The following PALLD variants were observed in gnomAD, a reference collection of about 807,000 sequenced individuals.
The protein encoded by PALLD is palladin.
In PALLD, 61 loss-of-function variants were observed where a neutral mutation model predicts 123.5. The observed-to-expected ratio is 0.49, with a 90% CI of 0.40 to 0.61. The LOEUF (loss-of-function observed/expected upper bound fraction) is 0.61, where lower values mean the gene tolerates loss of function less well. PALLD is among the 20% of genes least tolerant of loss of function. The pLI, the probability that PALLD is intolerant of heterozygous loss-of-function variation, is 0.00. For synonymous variants in PALLD, 465 were observed against 496.4 expected, an observed-to-expected ratio of 0.94 and a Z score of 0.84; for missense variants, 1,273 against 1,377.0, an observed-to-expected ratio of 0.92 and a Z score of 1.20.
intron 2 of PALLD, among the ~76,000 whole-genome samples, chr4:168,525,787 T>A (rs537975706): frequency 6.6e-6 from 1 of 152,222 alleles, no homozygotes; most frequent in Non-Finnish European, 1.5e-5. Context: ...GCTATTGTGT[T>A]TGGATTGTAT....
intron 1 of PALLD, among the ~76,000 whole-genome samples, chr4:168,504,493 C>T (rs1268712723): frequency 6.6e-6 from 1 of 151,442 alleles, no homozygotes; most frequent in Non-Finnish European, 1.5e-5. Flanking sequence ...ACTCGGGAGA[C>T]TGAGGAAGGA....
intron 10 of PALLD, among the ~76,000 whole-genome samples, chr4:168,764,447 T>A (rs1733378159): frequency 6.6e-6 from 1 of 152,172 alleles, no homozygotes; most frequent in African/African-American, 2.4e-5. Flanking sequence ...TTCTATGTTG[T>A]CCAGGCTGGA....
At chr4:168,751,231 C>G (rs1227325174) in intron 10 of PALLD, among the ~76,000 whole-genome samples, 2 of 152,062 alleles carry the variant, frequency 1.3e-5, no homozygotes, top group Non-Finnish European at 2.9e-5. Flanking sequence ...AGGCTGGTCT[C>G]AAACGCCCAA....
intron 2 of PALLD, among the ~76,000 whole-genome samples, chr4:168,625,055 A>T (rs1219603765): frequency 6.6e-6 from 1 of 152,140 alleles, no homozygotes; most frequent in African/African-American, 2.4e-5. Flanking sequence ...TTTACTCTGA[A>T]GTTTATATGG....
At chr4:168,807,213 TGA>T (rs1440831417) in intron 10 of PALLD, among the ~76,000 whole-genome samples, 1 of 151,842 alleles carries the variant, frequency 6.6e-6, no homozygotes, top group Non-Finnish European at 1.5e-5. Flanking sequence ...AGGAGATTCA[TGA>T]GACTAAAGGC....
intron 2 of PALLD, among the ~76,000 whole-genome samples, chr4:168,534,124 A>G (rs1367875643): frequency 3.9e-5 from 6 of 152,236 alleles, no homozygotes; most frequent in Non-Finnish European, 8.8e-5. Flanking sequence ...CACTTTATCT[A>G]GATTTCTGGA....
At chr4:168,855,520 C>G (rs1377424623) in intron 10 of PALLD, among the ~76,000 whole-genome samples, 1 of 152,206 alleles carries the variant, frequency 6.6e-6, no homozygotes, top group Non-Finnish European at 1.5e-5. Flanking sequence ...CTCTTATACA[C>G]TCTAGTACCC....
At chr4:168,669,595 T>C (rs1444972848) in intron 3 of PALLD, among the ~76,000 whole-genome samples, 1 of 151,860 alleles carries the variant, frequency 6.6e-6, no homozygotes, top group Non-Finnish European at 1.5e-5. Context: ...CAAGACCCCA[T>C]CTCTTAAAAA....
At chr4:168,741,074 G>C (rs1788279550) in intron 10 of PALLD, among the ~76,000 whole-genome samples, 2 of 152,140 alleles carry the variant, frequency 1.3e-5, no homozygotes, top group African/African-American at 4.8e-5. Flanking sequence ...TTCATCTCAA[G>C]TTTTAAATGT....
At chr4:168,567,824 A>C (rs1013149667) in intron 2 of PALLD, among the ~76,000 whole-genome samples, 4 of 151,882 alleles carry the variant, frequency 2.6e-5, no homozygotes, top group African/African-American at 9.7e-5. Context: ...GGGGGGATGA[A>C]AAATTACCTA....
In PALLD at chr4:168,506,559, C is replaced by T. The variant is rs116002761; in HGVS notation, c.-82-4864C>T. Among the ~76,000 whole-genome samples the T allele has an allele frequency of 4.4e-3, 665 of 152,198 alleles. 5 individuals are homozygous for T. The highest frequency in any genetic ancestry group is 0.015 in the African/African-American group (637 of 41,524). ...TGAGAGCTGACCTATAAATCATCCCCGCTTTTTTACATTTATTTTCAGCTT... is the reference window on the plus strand; with the variant it reads ...TGAGAGCTGACCTATAAATCATCCCTGCTTTTTTACATTTATTTTCAGCTT... On this transcript the variant is annotated intron_variant, in intron 1 of 21. Coordinates refer to ENST00000505667, the MANE Select transcript of PALLD (RefSeq NM_001166108.2).
chr4:168,670,472 G>T (rs1452891880), intron 3 of PALLD, among the ~76,000 whole-genome samples: 4 of 150,970 alleles, frequency 2.6e-5, no homozygotes, highest in African/African-American at 9.8e-5. Flanking sequence ...GGTGGCTCAC[G>T]CCTGTAATCC....
intron 10 of PALLD, among the ~76,000 whole-genome samples, chr4:168,800,399 C>G (rs1352941552): frequency 6.6e-6 from 1 of 151,776 alleles, no homozygotes; most frequent in East Asian, 1.9e-4. Context: ...ATAAAGAACT[C>G]GTACAAATCA....
Position 168,547,053 on chromosome 4 carries a change from T to C in PALLD, c.908+34641T>C, listed in dbSNP as rs557509045. The stretch of plus-strand genomic sequence containing the variant: ...TTTTTGTGGCCAGCATTCCAACCTG[T>C]TCATACATTTTAGAGTTCTGATTCT... On this transcript the variant is annotated intron_variant, in intron 2 of 21. Transcript: ENST00000505667. Among the ~76,000 whole-genome samples the C allele has an allele frequency of 3.3e-3, 504 of 152,188 alleles. 4 individuals carry two copies. The highest frequency in any genetic ancestry group is 0.012 in the African/African-American group (488 of 41,516).
chr4:168,832,562 G>T (rs952071656), intron 10 of PALLD, among the ~76,000 whole-genome samples: 1 of 152,190 alleles, frequency 6.6e-6, no homozygotes. Context: ...CAGACCTGGG[G>T]TGGGAGAGCA....
At chr4:168,646,898 C>T (rs1429522268) in intron 2 of PALLD, among the ~76,000 whole-genome samples, 3 of 152,088 alleles carry the variant, frequency 2.0e-5, no homozygotes, top group Non-Finnish European at 4.4e-5. Context: ...TACTCAAGGC[C>T]TTTCTAAATA....
chr4:168,510,835 C>A (rs1263914087), intron 1 of PALLD, among the ~76,000 whole-genome samples: 1 of 152,182 alleles, frequency 6.6e-6, no homozygotes, highest in East Asian at 1.9e-4. Flanking sequence ...TATCTACCAT[C>A]TGGCCCTTTC....
chr4:168,532,253 A>AT, intron 2 of PALLD, among the ~76,000 whole-genome samples: 1 of 152,314 alleles, frequency 6.6e-6, no homozygotes, highest in South Asian at 2.1e-4. Context: ...CCTGCAAGGG[A>AT]TATGATCTCG....
At chr4:168,852,287 C>T (rs1302720639) in intron 10 of PALLD, among the ~76,000 whole-genome samples, 1 of 152,192 alleles carries the variant, frequency 6.6e-6, no homozygotes, top group Non-Finnish European at 1.5e-5. Context: ...ACTGTACTTG[C>T]TGGCTTCATG....
Sources: allele counts gnomAD v4.1 joint callset (sites outside exome capture counted in the v4.1 genomes callset), GRCh38; gene constraint gnomAD v4.1.1; transcripts MANE v1.5; gene names NCBI Gene and HGNC (gene_info 2026-07-23, HGNC 2026-07-21).